Variants in ZNF423 observed in about 807,000 individuals in gnomAD.
ZNF423 encodes the protein zinc finger protein 423.
A neutral mutation model predicts 95.8 loss-of-function variants in ZNF423; 12 were observed. The observed-to-expected ratio is 0.13, with a 90% confidence interval of 0.08 to 0.20. The LOEUF is 0.20. Ranked by LOEUF, ZNF423 falls within the 10% of genes least tolerant of loss-of-function variation. ZNF423 has a pLI of 1.00. For missense variants in ZNF423, 1,316 were observed against 1,737.1 expected (o/e 0.76, Z 4.31); for synonymous variants, 749 against 711.9 (o/e 1.05, Z -0.83).
At chr16:49,700,235 A>AAAAAAG (rs2032132843) in intron 3 of ZNF423, among the ~76,000 whole-genome samples, 1 of 151,702 alleles carries the variant, frequency 6.6e-6, no homozygotes, top group Non-Finnish European at 1.5e-5. Context: ...AAGAAGAAGA[A>AAAAAAG]AAAAAGAAAA....
At chr16:49,674,834 G>A (rs1279819175) in intron 3 of ZNF423, among the ~76,000 whole-genome samples, 1 of 152,174 alleles carries the variant, frequency 6.6e-6, no homozygotes, top group African/African-American at 2.4e-5. Flanking sequence ...TGAGCTCCCA[G>A]TGGCCGGTTT....
At chr16:49,586,981 T>A (rs1224109518) in intron 5 of ZNF423, among the ~76,000 whole-genome samples, 1 of 152,092 alleles carries the variant, frequency 6.6e-6, no homozygotes, top group Non-Finnish European at 1.5e-5. Context: ...CCAGGCACAA[T>A]GTCTCGTTGG....
chr16:49,539,424 C>T (rs1049522462), intron 5 of ZNF423, among the ~76,000 whole-genome samples: 1 of 152,168 alleles, frequency 6.6e-6, no homozygotes, highest in Non-Finnish European at 1.5e-5. Context: ...TTTCTGGTGG[C>T]ACAGCACATG....
At chr16:49,655,730 C>G (rs183496811) in intron 3 of ZNF423, among the ~76,000 whole-genome samples, 1 of 152,262 alleles carries the variant, frequency 6.6e-6, no homozygotes, top group East Asian at 1.9e-4. Context: ...AAATACACAC[C>G]ATGGACCTCA....
At chr16:49,640,183 C>A (rs143833605) in intron 3 of ZNF423, among the ~76,000 whole-genome samples, 1 of 152,164 alleles carries the variant, frequency 6.6e-6, no homozygotes, top group Non-Finnish European at 1.5e-5. Context: ...GTAACCCAGA[C>A]GTAACCTTGG....
At chr16:49,498,502 C>A (rs960004917) in intron 7 of ZNF423, among the ~76,000 whole-genome samples, 2 of 152,186 alleles carry the variant, frequency 1.3e-5, no homozygotes, top group Non-Finnish European at 2.9e-5. Context: ...CCAGACGAGG[C>A]AGCTTGCCCT....
rs1555514937 is a variant in ZNF423 at position 49,636,395 on chromosome 16, T to C, written c.2781A>G (p.Ser927=). ...HNIRPGEDDG[S]RKKAEFIKGS... ...CCTTGATAAACTCAGCCTTCTTGCGTGAGCCATCATCCTCGCCCGGCCGGA... is the reference window on the plus strand; with the variant it reads ...CCTTGATAAACTCAGCCTTCTTGCGCGAGCCATCATCCTCGCCCGGCCGGA... The change falls in exon 4 of 8, where the codon TCA becomes TCG. Residue 927 remains serine, a synonymous_variant. Coordinates refer to ENST00000563137, the MANE Select transcript of ZNF423 (RefSeq NM_001379286.1). The surrounding 1 kb of genome is among the most constrained non-coding windows in gnomAD (Gnocchi z 8.6). 1.2e-6 allele frequency: 2 copies of C among 1,613,262 alleles called. No homozygotes were observed. Among genetic ancestry groups the C allele is most frequent in the East Asian group, 4.5e-5 (2 of 44,862 alleles).
At chr16:49,780,015 G>A (rs1035305643) in intron 2 of ZNF423, among the ~76,000 whole-genome samples, 1 of 152,178 alleles carries the variant, frequency 6.6e-6, no homozygotes, top group Non-Finnish European at 1.5e-5. Flanking sequence ...CTGCCATCAG[G>A]GAAGCCCCAA....
At chr16:49,644,402 C>T (rs1362752876) in intron 3 of ZNF423, among the ~76,000 whole-genome samples, 1 of 151,572 alleles carries the variant, frequency 6.6e-6, no homozygotes, top group African/African-American at 2.4e-5. Context: ...TGCCTGTAAT[C>T]CCTGAACATT....
At chr16:49,822,810 T>C (rs2034961253) in intron 1 of ZNF423, 2 of 1,201,850 alleles carry the variant, frequency 1.7e-6, no homozygotes, top group South Asian at 1.6e-5. Context: ...AAATAACACT[T>C]GTATACCCAT....
At chr16:49,575,489 C>T (rs186837901) in intron 5 of ZNF423, among the ~76,000 whole-genome samples, 139 of 152,300 alleles carry the variant, frequency 9.1e-4, no homozygotes, top group African/African-American at 3.2e-3. Context: ...TCACAACACC[C>T]GGGCTGTGAG....
chr16:49,782,503 A>G (rs575982403), intron 2 of ZNF423, among the ~76,000 whole-genome samples: 15 of 152,356 alleles, frequency 9.8e-5, no homozygotes, highest in Non-Finnish European at 4.4e-5. Flanking sequence ...TGCGACACCA[A>G]TAAGGTCTCA....
chr16:49,652,030 A>C (rs1001289409), intron 3 of ZNF423, among the ~76,000 whole-genome samples: 2 of 152,142 alleles, frequency 1.3e-5, no homozygotes, highest in African/African-American at 4.8e-5. Flanking sequence ...CATTATACAG[A>C]TGGAGCCCAA....
intron 3 of ZNF423, among the ~76,000 whole-genome samples, chr16:49,664,567 G>C (rs2030437376): frequency 6.7e-6 from 1 of 148,790 alleles, no homozygotes; most frequent in South Asian, 2.2e-4. Context: ...TGAGGCTGGG[G>C]TTAAAGGGAG....
rs201588114 is a variant in ZNF423, at chr16:49,637,774, C to A, written c.1402G>T (p.Val468Phe). Residue 468 changes from valine (V) to phenylalanine (F), a missense_variant, in exon 4 of 8, where the codon GTT becomes TTT. Physicochemically the swap from Val to Phe is conservative, Grantham distance 50. Coordinates refer to ENST00000563137, the MANE Select transcript of ZNF423 (RefSeq NM_001379286.1). The surrounding 1 kb of genome is among the most constrained non-coding windows in gnomAD (Gnocchi z 5.6). The part of the protein sequence containing the change: ...MPTLYNLNEH[V>F]RKLHKNHAYP... ...GCATGGTTCTTGTGCAGCTTGCGAA[C>A]GTGCTCGTTGAGGTTGTAGAGGGTG... 1.2e-6 allele frequency: 2 copies of A among 1,613,974 alleles called. No individual in the cohort carries two copies. Among genetic ancestry groups the A allele is most frequent in the Non-Finnish European group, 8.5e-7 (1 of 1,180,042 alleles).
chr16:49,706,352 C>G (rs2032350365), intron 3 of ZNF423, among the ~76,000 whole-genome samples: 1 of 152,266 alleles, frequency 6.6e-6, no homozygotes, highest in Admixed American at 6.5e-5. Flanking sequence ...GTTCTCACCT[C>G]CAGGCCAGCC....
intron 5 of ZNF423, among the ~76,000 whole-genome samples, chr16:49,541,601 G>GTA (rs1160780302): frequency 6.6e-6 from 1 of 152,174 alleles, no homozygotes; most frequent in African/African-American, 2.4e-5. Flanking sequence ...CAATGAACAT[G>GTA]TATAGCCTTT....
At chr16:49,639,412 G>A (rs905630540) in intron 3 of ZNF423, among the ~76,000 whole-genome samples, 5 of 152,218 alleles carry the variant, frequency 3.3e-5, no homozygotes, top group African/African-American at 9.7e-5. Context: ...ACCATTCTCT[G>A]GGTATGGGTG....
chr16:49,802,191 C>G (rs1435430255), intron 1 of ZNF423, among the ~76,000 whole-genome samples: 1 of 152,160 alleles, frequency 6.6e-6, no homozygotes, highest in Non-Finnish European at 1.5e-5. Context: ...CGGCCTCCAA[C>G]AGGCAGCAGG....
Sources: allele counts gnomAD v4.1 joint callset (sites outside exome capture counted in the v4.1 genomes callset), GRCh38; gene constraint gnomAD v4.1.1; non-coding constraint Gnocchi (gnomAD v3.1); transcripts MANE v1.5; gene names NCBI Gene and HGNC (gene_info 2026-07-23, HGNC 2026-07-21).